The following RRAS2 variants were observed in gnomAD, a reference collection of about 807,000 sequenced individuals.
RRAS2 encodes ras-related protein R-Ras2.
RRAS2 carries 7 observed loss-of-function variants against 27.6 expected under a neutral mutation model. The ratio of observed to expected loss-of-function variants is 0.25; its 90% CI spans 0.14 to 0.48. The LOEUF (loss-of-function observed/expected upper bound fraction) is 0.48, where lower values mean the gene tolerates loss of function less well. Ranked by LOEUF, RRAS2 falls within the 20% of genes least tolerant of loss-of-function variation. The pLI is 0.99. For synonymous variants in RRAS2, 86 were observed against 90.9 expected, an observed-to-expected ratio of 0.95 and a Z score of 0.31; for missense variants, 178 against 256.2, an observed-to-expected ratio of 0.69 and a Z score of 2.08.
At chr11:14,356,669 G>A in intron 1 of RRAS2, 2 of 413,156 alleles carry the variant, frequency 4.8e-6, no homozygotes, top group Non-Finnish European at 9.4e-6. Flanking sequence ...GTACACATAT[G>A]TCTTCCTCAT....
intron 5 of RRAS2, among the ~76,000 whole-genome samples, chr11:14,281,147 T>C (rs1283085472): frequency 1.3e-5 from 2 of 152,238 alleles, no homozygotes; most frequent in Non-Finnish European, 2.9e-5. Flanking sequence ...GAGGTTTGAA[T>C]TAAAGCCCCA....
chr11:14,300,748 T>C (rs1847677121), intron 1 of RRAS2, among the ~76,000 whole-genome samples: 1 of 151,806 alleles, frequency 6.6e-6, no homozygotes, highest in African/African-American at 2.4e-5. Context: ...ACTCAGTATC[T>C]CCCCATTCAA....
chr11:14,352,801 A>T (rs886716873), intron 1 of RRAS2, among the ~76,000 whole-genome samples: 4 of 143,404 alleles, frequency 2.8e-5, no homozygotes, highest in Admixed American at 7.0e-5. Context: ...AGAGAGAGAC[A>T]TTTTTTTTTT....
intron 1 of RRAS2, among the ~76,000 whole-genome samples, chr11:14,340,980 A>G (rs1391573823): frequency 3.9e-5 from 6 of 152,234 alleles, no homozygotes; most frequent in Non-Finnish European, 5.9e-5. Context: ...TCTCAAAGGC[A>G]TAAGTACCCA....
intron 1 of RRAS2, among the ~76,000 whole-genome samples, chr11:14,348,389 T>G (rs940103401): frequency 1.3e-5 from 2 of 152,204 alleles, no homozygotes; most frequent in Non-Finnish European, 2.9e-5. Context: ...CATACTAGTT[T>G]TAACATCCAT....
chr11:14,350,678 CT>C (rs1848929622), intron 1 of RRAS2, among the ~76,000 whole-genome samples: 1 of 151,848 alleles, frequency 6.6e-6, no homozygotes, highest in African/African-American at 2.4e-5. Context: ...ATACGCTAAA[CT>C]AACGATAGCT....
intron 1 of RRAS2, among the ~76,000 whole-genome samples, chr11:14,350,170 A>T (rs1305029475): frequency 6.6e-6 from 1 of 152,198 alleles, no homozygotes; most frequent in Non-Finnish European, 1.5e-5. Context: ...ACACAGTAGT[A>T]GATACTTTTG....
intron 4 of RRAS2, among the ~76,000 whole-genome samples, 162 bp from the exon 5 acceptor site, chr11:14,281,882 C>T (rs1375073259): frequency 6.6e-6 from 1 of 152,238 alleles, no homozygotes; most frequent in African/African-American, 2.4e-5. Context: ...TAAAGCCCAC[C>T]TCTGCAGAAC....
At chr11:14,326,978 G>A (rs1322364372) in intron 1 of RRAS2, among the ~76,000 whole-genome samples, 1 of 64,086 alleles carries the variant, frequency 1.6e-5, no homozygotes, top group Non-Finnish European at 4.2e-5. Context: ...GGAGAATGGC[G>A]TGAACCCGGG....
At chr11:14,279,551 A>T in intron 5 of RRAS2, 127 bp from the exon 6 acceptor site, 2 of 721,118 alleles carry the variant, frequency 2.8e-6, no homozygotes, top group Admixed American at 2.4e-5. Flanking sequence ...TCAACGAGGG[A>T]ATTTCTCTCT....
chr11:14,339,295 G>A (rs868936290), intron 1 of RRAS2, among the ~76,000 whole-genome samples: 471 of 20,996 alleles, frequency 0.022, 2 homozygotes, highest in Middle Eastern at 0.077. Flanking sequence ...AAAAAAAAAG[G>A]GGGGGGGGGG....
intron 1 of RRAS2, among the ~76,000 whole-genome samples, chr11:14,343,561 C>A (rs1364782775): frequency 6.6e-6 from 1 of 152,224 alleles, no homozygotes; most frequent in African/African-American, 2.4e-5. Flanking sequence ...TGGTGGCTCA[C>A]GCCTGTAATC....
chr11:14,291,549 G>A (rs1554945797), intron 4 of RRAS2, among the ~76,000 whole-genome samples: 2 of 151,998 alleles, frequency 1.3e-5, no homozygotes, highest in African/African-American at 2.4e-5. Flanking sequence ...TATTTATATG[G>A]TTTAGATGGA....
intron 1 of RRAS2, among the ~76,000 whole-genome samples, chr11:14,304,919 T>C (rs1205632516): frequency 6.6e-6 from 1 of 152,238 alleles, no homozygotes; most frequent in Non-Finnish European, 1.5e-5. Flanking sequence ...ATATGCTTGA[T>C]ATTCCTTCAC....
At chr11:14,330,287 C>G (rs1417143717) in intron 1 of RRAS2, among the ~76,000 whole-genome samples, 1 of 152,168 alleles carries the variant, frequency 6.6e-6, no homozygotes, top group Non-Finnish European at 1.5e-5. Context: ...AGAACTGCTT[C>G]CTGGCCAGGC....
chr11:14,285,776 T>C lies in RRAS2; in HGVS notation c.409-4056A>G, dbSNP rs1849644876. Among the ~76,000 whole-genome samples, 5 of 152,352 alleles carry C rather than the reference T, an allele frequency of 3.3e-5. No individual in the cohort carries two copies. The South Asian group carries it at 1.0e-3, about 32-fold the overall frequency. On this transcript the variant is annotated intron_variant, in intron 4 of 5. Coordinates refer to ENST00000256196, the MANE Select transcript of RRAS2 (RefSeq NM_012250.6). ...GCACCACTATCTTCTGGCTTCACTG[T>C]TCAATGAGATGCAATGATGACTCCT...
chr11:14,325,722 T>C (rs1424134801), intron 1 of RRAS2, among the ~76,000 whole-genome samples: 1 of 152,242 alleles, frequency 6.6e-6, no homozygotes, highest in Non-Finnish European at 1.5e-5. Context: ...TAAGTCTTTG[T>C]CTTAAAAAAA....
chr11:14,325,559 A>G (rs1449480455), intron 1 of RRAS2, among the ~76,000 whole-genome samples: 1 of 152,180 alleles, frequency 6.6e-6, no homozygotes, highest in Non-Finnish European at 1.5e-5. Context: ...TTGGCCTCCC[A>G]AAGTGCTGGG....
intron 1 of RRAS2, among the ~76,000 whole-genome samples, chr11:14,333,361 A>G (rs1201430770): frequency 1.3e-5 from 2 of 152,220 alleles, no homozygotes; most frequent in East Asian, 3.8e-4. Context: ...ATAACACTAA[A>G]CTATACTCTA....
Sources: gnomAD v4.1 joint callset for allele counts (sites outside exome capture counted in the v4.1 genomes callset) on GRCh38, gnomAD v4.1.1 for gene constraint, MANE v1.5 for transcripts, NCBI Gene and HGNC (gene_info 2026-07-23, HGNC 2026-07-21) for gene names.